SFRP1: variants seen among roughly 807,000 people sequenced by gnomAD.
The protein encoded by SFRP1 is secreted frizzled-related protein 1.
A neutral mutation model predicts 25.9 loss-of-function variants in SFRP1; 9 were observed. That is an observed-to-expected ratio of 0.35 (90% CI 0.21 to 0.61). SFRP1 has a LOEUF of 0.61. Ranked by LOEUF, SFRP1 falls within the 20% of genes least tolerant of loss-of-function variation. The pLI is 0.78. For synonymous variants in SFRP1, 178 were observed against 174.0 expected, an observed-to-expected ratio of 1.02 and a Z score of -0.18; for missense variants, 346 against 418.2, an observed-to-expected ratio of 0.83 and a Z score of 1.51.
chr8:41,279,592 C>T (rs1803610191), intron 2 of SFRP1, among the ~76,000 whole-genome samples: 1 of 152,232 alleles, frequency 6.6e-6, no homozygotes, highest in South Asian at 2.1e-4. Context: ...ATAAGCAGAA[C>T]AGGAGGCCTC....
intron 2 of SFRP1, among the ~76,000 whole-genome samples, chr8:41,293,451 G>A (rs1344773846): frequency 6.6e-6 from 1 of 152,150 alleles, no homozygotes; most frequent in East Asian, 1.9e-4. Context: ...TTATTTACCA[G>A]CTTAGGTTTC....
intron 2 of SFRP1, among the ~76,000 whole-genome samples, chr8:41,266,725 A>G (rs929282053): frequency 6.6e-6 from 1 of 151,942 alleles, no homozygotes; most frequent in Non-Finnish European, 1.5e-5. Context: ...ACGCCTGACC[A>G]TGAGGGTTTC....
chr8:41,298,346 G>C (rs557261651), intron 2 of SFRP1: 9 of 152,272 alleles, frequency 5.9e-5, no homozygotes, highest in African/African-American at 2.2e-4. Flanking sequence ...AAATTAACTA[G>C]AAGACTAGAT....
intron 2 of SFRP1, among the ~76,000 whole-genome samples, chr8:41,282,953 C>T (rs146526335): frequency 6.6e-6 from 1 of 152,182 alleles, no homozygotes; most frequent in Non-Finnish European, 1.5e-5. Context: ...TCCCTATGTT[C>T]TTTCAAGAAG....
At chr8:41,275,418 C>T (rs571096170) in intron 2 of SFRP1, 41 of 238,890 alleles carry the variant, frequency 1.7e-4, no homozygotes, top group South Asian at 1.5e-3. Context: ...CCCTAAATTG[C>T]TTTCTTTTTC....
intron 2 of SFRP1, among the ~76,000 whole-genome samples, chr8:41,287,361 C>T (rs922751812): frequency 2.6e-5 from 4 of 152,262 alleles, no homozygotes; most frequent in Admixed American, 2.6e-4. Context: ...TCTCTGCCAT[C>T]GGCCACCATG....
chr8:41,300,534 T>C (rs1803901750), intron 2 of SFRP1, among the ~76,000 whole-genome samples: 1 of 152,170 alleles, frequency 6.6e-6, no homozygotes, highest in Non-Finnish European at 1.5e-5. Context: ...TGTTTACAGA[T>C]ACTGCAGAAG....
intron 2 of SFRP1, among the ~76,000 whole-genome samples, chr8:41,300,668 A>G (rs1292078147): frequency 6.6e-6 from 1 of 152,260 alleles, no homozygotes; most frequent in Non-Finnish European, 1.5e-5. Context: ...AGCTGTTAAC[A>G]GCAGGATGAT....
intron 2 of SFRP1, among the ~76,000 whole-genome samples, chr8:41,287,090 T>C (rs1358931234): frequency 2.6e-5 from 4 of 152,164 alleles, no homozygotes; most frequent in African/African-American, 9.7e-5. Flanking sequence ...CTGAACAAGG[T>C]TTCATTTCCT....
In SFRP1 at chr8:41,309,329, C is replaced by A; in HGVS notation, c.-170G>T. 1 of 766,576 alleles carries A rather than the reference C, an allele frequency of 1.3e-6. No individual in the cohort carries two copies. The highest frequency in any genetic ancestry group is 1.7e-6 in the Non-Finnish European group (1 of 581,088). The allele number at this position is 766,576 out of a possible 1,614,324, so 47.5% of individuals were successfully genotyped here. A position where few individuals can be genotyped will look rare whatever the true frequency, so the allele number is the denominator to read the frequency against. On this transcript the variant is annotated 5_prime_UTR_variant, in exon 1 of 3. In the 5' UTR this introduces an upstream ATG that the reference lacks. Transcript: ENST00000220772. ...CCGGTCCCCCCGGCCAGTGGCGGCC[C>A]TCGGCCTGCGGTCGGAGGCGGCGCG... is the stretch of plus-strand genomic sequence containing the variant.
intron 2 of SFRP1, among the ~76,000 whole-genome samples, chr8:41,302,552 C>T (rs1803936561): frequency 6.6e-6 from 1 of 152,194 alleles, no homozygotes; most frequent in African/African-American, 2.4e-5. Flanking sequence ...TTATGAGAAA[C>T]ACGTTGTTCA....
Position 41,265,126 on chromosome 8 carries a change from ACCCCACCCGAG to A in SFRP1, c.*30_*40del. On this transcript the variant is annotated 3_prime_UTR_variant, in exon 3 of 3. Transcript: ENST00000220772. Reference sequence around the variant, plus strand: ...CCGGGGCACTGTCCCCCCCGCTCCCACCCCACCCGAGGCTCCCTCCCCACCCTGCCCCCGGG... The same window carrying A: ...CCGGGGCACTGTCCCCCCCGCTCCCAGCTCCCTCCCCACCCTGCCCCCGGG... 7.3e-6 allele frequency: 1 copy of A among 136,964 alleles called. No homozygotes were observed. Among genetic ancestry groups the A allele is most frequent in the East Asian group, 1.4e-4 (1 of 7,228 alleles). The allele number at this position is 136,964 out of a possible 1,614,324, so 8.5% of individuals were successfully genotyped here.
chr8:41,288,552 A>ATTCC (rs1460881081), intron 2 of SFRP1, among the ~76,000 whole-genome samples: 53 of 140,690 alleles, frequency 3.8e-4, no homozygotes, highest in South Asian at 1.6e-3. Context: ...AAAAAAAAAA[A>ATTCC]AAAAAAAAAA....
At chr8:41,303,752 C>T (rs896045839) in intron 1 of SFRP1, among the ~76,000 whole-genome samples, 2 of 152,156 alleles carry the variant, frequency 1.3e-5, no homozygotes, top group African/African-American at 4.8e-5. Context: ...TGGCCCAGAG[C>T]TGCTAAATGT....
rs183756202 is a variant in SFRP1, at chr8:41,264,530, C to T, written c.*637G>A. ...AGACTGGCTGATTCAGATTCAAAGACAATCACACGGAAAGACTGTGGGCAG... is the reference window on the plus strand; with the variant it reads ...AGACTGGCTGATTCAGATTCAAAGATAATCACACGGAAAGACTGTGGGCAG... On this transcript the variant is annotated 3_prime_UTR_variant, in exon 3 of 3. Coordinates refer to ENST00000220772, the MANE Select transcript of SFRP1 (RefSeq NM_003012.5). 2 of 152,342 alleles carry T rather than the reference C, an allele frequency of 1.3e-5. No individual in the cohort carries two copies. Among genetic ancestry groups the T allele is most frequent in the Admixed American group, 1.3e-4 (2 of 15,294 alleles). The allele number at this position is 152,342 out of a possible 1,614,324, so 9.4% of individuals were successfully genotyped here.
chr8:41,303,340 G>A (rs1484383772), intron 2 of SFRP1, 121 bp downstream of exon 2: 2 of 738,824 alleles, frequency 2.7e-6, no homozygotes, highest in Non-Finnish European at 4.8e-6. Context: ...GCCATTTGGA[G>A]AGGAATGAGG....
intron 2 of SFRP1, among the ~76,000 whole-genome samples, chr8:41,269,791 G>C (rs986149670): frequency 1.3e-5 from 2 of 152,194 alleles, no homozygotes; most frequent in African/African-American, 4.8e-5. Context: ...GGGAAAGGTG[G>C]CATGGGGTTG....
intron 2 of SFRP1, among the ~76,000 whole-genome samples, chr8:41,289,431 G>A (rs546158351): frequency 3.9e-5 from 6 of 152,138 alleles, no homozygotes; most frequent in African/African-American, 1.4e-4. Flanking sequence ...ATCTTCTAAC[G>A]CAGAAGTCTT....
At chr8:41,282,632 A>C (rs979993748) in intron 2 of SFRP1, among the ~76,000 whole-genome samples, 2 of 152,110 alleles carry the variant, frequency 1.3e-5, no homozygotes, top group African/African-American at 4.8e-5. Flanking sequence ...AGCATGGGAA[A>C]GCATTTTGAA....
Sources: gnomAD v4.1 joint callset for allele counts (sites outside exome capture counted in the v4.1 genomes callset) on GRCh38, gnomAD v4.1.1 for gene constraint, MANE v1.5 for transcripts, NCBI Gene and HGNC (gene_info 2026-07-23, HGNC 2026-07-21) for gene names.